The following SH3TC2 variants were observed in gnomAD, a reference collection of about 807,000 sequenced individuals.
The protein encoded by SH3TC2 is SH3 domain and tetratricopeptide repeats 2, also known as SH3 domain and tetratricopeptide repeat-containing protein 2.
A neutral mutation model predicts 124.5 loss-of-function variants in SH3TC2; 87 were observed. That is an observed-to-expected ratio of 0.70 (90% CI 0.59 to 0.84). The LOEUF (loss-of-function observed/expected upper bound fraction) is 0.84, where lower values mean the gene tolerates loss of function less well. SH3TC2 is among the 40% of genes least tolerant of loss of function. The pLI is 0.00. For missense variants in SH3TC2, 1,536 were observed against 1,566.4 expected, an observed-to-expected ratio of 0.98 and a Z score of 0.33; for synonymous variants, 634 against 628.5, an observed-to-expected ratio of 1.01 and a Z score of -0.13.
Position 148,993,701 on chromosome 5 carries a change from T to C in SH3TC2, c.*11010A>G, listed in dbSNP as rs114735628. ...TTGGTAAGTGATGGAGGCAATCATT[T>C]ACAGATGATGCTCTGACAAGGGAGG... On this transcript the variant is annotated 3_prime_UTR_variant, in exon 17 of 17. Coordinates refer to ENST00000515425, the MANE Select transcript of SH3TC2 (RefSeq NM_024577.4). 2.8e-3 allele frequency among the ~76,000 whole-genome samples: 433 copies of C among 152,308 alleles called. 1 individual carries two copies. Among genetic ancestry groups the C allele is most frequent in the African/African-American group, 1.0e-2 (414 of 41,550 alleles).
intron 12 of SH3TC2, among the ~76,000 whole-genome samples, chr5:149,025,377 G>T (rs1202511760): frequency 1.3e-5 from 2 of 152,152 alleles, no homozygotes; most frequent in African/African-American, 4.8e-5. Context: ...TTATCTGATT[G>T]TCCAGGTGCA....
Position 149,038,089 on chromosome 5 carries a change from C to A in SH3TC2, c.1001+206G>T, listed in dbSNP as rs572298136. On this transcript the variant is annotated intron_variant, in intron 8 of 16. Coordinates refer to ENST00000515425, the MANE Select transcript of SH3TC2 (RefSeq NM_024577.4). The stretch of plus-strand genomic sequence containing the variant: ...CTTCCCTCCTTGCACAGAGGAAGTC[C>A]TCAGTGACCACCTGTTAAAATAAAC... 2.6e-5 allele frequency among the ~76,000 whole-genome samples: 4 copies of A among 152,282 alleles called. No homozygotes were observed. The East Asian group carries it at 7.7e-4, about 29-fold the overall frequency.
In SH3TC2 at chr5:148,985,730, G is replaced by C. The variant is rs1470750957; in HGVS notation, c.*18981C>G. 3.9e-5 allele frequency among the ~76,000 whole-genome samples: 6 copies of C among 152,166 alleles called. No individual in the cohort carries two copies. Among genetic ancestry groups the C allele is most frequent in the Non-Finnish European group, 8.8e-5 (6 of 68,026 alleles). On this transcript the variant is annotated 3_prime_UTR_variant, in exon 17 of 17. Coordinates refer to ENST00000515425, the MANE Select transcript of SH3TC2 (RefSeq NM_024577.4). Reference sequence around the variant, plus strand: ...TCTTTGATATAAATACCTAGGAGTAGCAATTCTGGATCACTTTGTAAGTGT... The same window carrying C: ...TCTTTGATATAAATACCTAGGAGTACCAATTCTGGATCACTTTGTAAGTGT...
chr5:149,012,705 T>C lies in SH3TC2; in HGVS notation c.3083A>G (p.Lys1028Arg), dbSNP rs1297341035. 1 of 1,614,128 alleles carries C rather than the reference T, an allele frequency of 6.2e-7. No homozygotes were observed. Among genetic ancestry groups the C allele is most frequent in the Non-Finnish European group, 8.5e-7 (1 of 1,180,014 alleles). ...RSLRRSLTCI[K>R]ESLRIFIDLG... ...GTCAATGAAGATACGCAGGCTCTCCTTGATGCATGTGAGTGACCTCCTGAG... is the reference window on the plus strand; with the variant it reads ...GTCAATGAAGATACGCAGGCTCTCCCTGATGCATGTGAGTGACCTCCTGAG... The change falls in exon 13 of 17, where the codon AAG becomes AGG. Residue 1028 changes from lysine to arginine, a missense_variant. Coordinates refer to ENST00000515425, the MANE Select transcript of SH3TC2 (RefSeq NM_024577.4).
chr5:149,046,034 C>A (rs532407511), intron 3 of SH3TC2: 48 of 362,056 alleles, frequency 1.3e-4, no homozygotes, highest in South Asian at 9.3e-4. Flanking sequence ...TCCAAGCCTC[C>A]GGAGTTGACT....
chr5:149,042,202 T>G (rs1187067359), intron 5 of SH3TC2, among the ~76,000 whole-genome samples: 2 of 152,222 alleles, frequency 1.3e-5, no homozygotes, highest in Non-Finnish European at 2.9e-5. Flanking sequence ...TTGATGGGAC[T>G]CTCACCTATA....
In SH3TC2 at chr5:148,983,072, T is replaced by C. The variant is rs939522127; in HGVS notation, c.*21639A>G. Among the ~76,000 whole-genome samples the C allele has an allele frequency of 1.3e-5, 2 of 152,236 alleles. No individual in the cohort carries two copies. The highest frequency in any genetic ancestry group is 2.4e-5 in the African/African-American group (1 of 41,466). ...CATCTATGGGATAAAGAGGGAGAAC[T>C]AGCAGGTGTTTTAAATACCTCCTGC... On this transcript the variant is annotated 3_prime_UTR_variant, in exon 17 of 17. Transcript: ENST00000515425.
In SH3TC2 at chr5:149,047,862, C is replaced by T. The variant is rs776221160; in HGVS notation, c.279G>A (p.Lys93=). 2.2e-5 allele frequency: 36 copies of T among 1,613,916 alleles called. No homozygotes were observed. The highest frequency in any genetic ancestry group is 3.1e-5 in the Non-Finnish European group (36 of 1,179,980). ...ATTCACCTGTTTCCTTCATGCTCAC[C>T]TTAAACAGCATGCGCACCTCCTGGT... ...NEDQEVRMLF[K]DLSARLVSIQ... Residue 93 remains lysine (K), a splice_region_variant and synonymous_variant, in exon 3 of 17, where the codon AAG becomes AAA. Coordinates refer to ENST00000515425, the MANE Select transcript of SH3TC2 (RefSeq NM_024577.4).
In SH3TC2 at chr5:149,027,239, ACTCT is replaced by A. The variant is rs80338929; in HGVS notation, c.2489_2492del (p.Glu830ValfsTer22). The A allele has an allele frequency of 6.2e-7, 1 of 1,614,068 alleles. No individual in the cohort carries two copies. The highest frequency in any genetic ancestry group is 1.1e-5 in the South Asian group (1 of 91,086). On this transcript the variant is annotated frameshift_variant, in exon 11 of 17. Transcript: ENST00000515425. LOFTEE classifies it high-confidence loss of function. ...TATAGATGACTCCCCTTTGAGTGAGACTCTCTGTCTCCTTCAGGGAGCATAGCAG... is the reference window on the plus strand; with the variant it reads ...TATAGATGACTCCCCTTTGAGTGAGACTGTCTCCTTCAGGGAGCATAGCAG...
At chr5:149,022,821 C>G (rs372871640) in intron 12 of SH3TC2, among the ~76,000 whole-genome samples, 1 of 152,236 alleles carries the variant, frequency 6.6e-6, no homozygotes, top group East Asian at 1.9e-4. Context: ...CCATTTATAT[C>G]AAATGTCCAG....
rs1254327180 is a variant in SH3TC2, at chr5:148,994,527, G to A, written c.*10184C>T. 1.3e-5 allele frequency among the ~76,000 whole-genome samples: 2 copies of A among 152,160 alleles called. No individual in the cohort carries two copies. The highest frequency in any genetic ancestry group is 4.8e-5 in the African/African-American group (2 of 41,418). On this transcript the variant is annotated 3_prime_UTR_variant, in exon 17 of 17. Transcript: ENST00000515425. ...TCTTGCTCACTGGATTGTGAGTTTA[G>A]CACATGAGAGGTGTTGAATATTGGT...
chr5:149,019,656 A>T (rs1220568077), intron 12 of SH3TC2, among the ~76,000 whole-genome samples: 1 of 152,220 alleles, frequency 6.6e-6, no homozygotes, highest in Non-Finnish European at 1.5e-5. Context: ...AAATTATCCA[A>T]ATAAAATGTT....
chr5:149,008,604 T>C (rs1366184221), intron 15 of SH3TC2: 1 of 570,516 alleles, frequency 1.8e-6, no homozygotes, highest in South Asian at 2.0e-5. Context: ...GGCTGTTACA[T>C]GGATAATCAC....
intron 12 of SH3TC2, among the ~76,000 whole-genome samples, chr5:149,022,747 G>A (rs1285728477): frequency 6.6e-6 from 1 of 152,196 alleles, no homozygotes. Context: ...CAACATGGAT[G>A]AACCTTGAAA....
Position 149,003,148 on chromosome 5 carries a change from T to C in SH3TC2, c.*1563A>G, listed in dbSNP as rs1177110844. On this transcript the variant is annotated 3_prime_UTR_variant, in exon 17 of 17. Transcript: ENST00000515425. The stretch of plus-strand genomic sequence containing the variant: ...CTCAGATACTGTGGTAGGTCACTTC[T>C]GAAATGATCCCCAATGATTCCTCAC... 1 of 152,264 alleles carries C rather than the reference T, an allele frequency of 6.6e-6. No individual in the cohort carries two copies. Among genetic ancestry groups the C allele is most frequent in the African/African-American group, 2.4e-5 (1 of 41,474 alleles). 9.4% of individuals were successfully genotyped at this position (152,264 alleles called of 1,614,324 possible). A position where few individuals can be genotyped will look rare whatever the true frequency, so the allele number is the denominator to read the frequency against.
chr5:149,060,704 G>A (rs1754731500), intron 1 of SH3TC2, among the ~76,000 whole-genome samples: 3 of 152,210 alleles, frequency 2.0e-5, no homozygotes, highest in Admixed American at 6.5e-5. Context: ...AGTGATGTAG[G>A]AGTGGCCCAT....
Position 148,991,235 on chromosome 5 carries a change from T to C in SH3TC2, c.*13476A>G, listed in dbSNP as rs1452096105. ...AAAAGCTTTTACCCATATACCACAT[T>C]GGATGTGAGAGTGAATATACTGCAA... On this transcript the variant is annotated 3_prime_UTR_variant, in exon 17 of 17. Coordinates refer to ENST00000515425, the MANE Select transcript of SH3TC2 (RefSeq NM_024577.4). Among the ~76,000 whole-genome samples the C allele has an allele frequency of 6.6e-6, 1 of 152,158 alleles. No individual in the cohort carries two copies. The highest frequency in any genetic ancestry group is 1.5e-5 in the Non-Finnish European group (1 of 68,028).
intron 1 of SH3TC2, among the ~76,000 whole-genome samples, chr5:149,054,915 G>A (rs903842107): frequency 2.0e-5 from 3 of 152,176 alleles, no homozygotes; most frequent in Admixed American, 6.5e-5. Context: ...AGTCAAGGAT[G>A]GGGACCCTGG....
At chr5:149,047,679 C>G (rs754413255) in intron 3 of SH3TC2, 183 bp downstream of exon 3, 33 of 811,904 alleles carry the variant, frequency 4.1e-5, no homozygotes, top group Non-Finnish European at 6.1e-5. Context: ...TTCAGAGTTC[C>G]TGCCCACTCC....
Sources: allele counts gnomAD v4.1 joint callset (sites outside exome capture counted in the v4.1 genomes callset), GRCh38; gene constraint gnomAD v4.1.1; transcripts MANE v1.5; gene names NCBI Gene and HGNC (gene_info 2026-07-23, HGNC 2026-07-21).